Variants in PTPRN2 observed in about 807,000 individuals in gnomAD.
PTPRN2 encodes the protein receptor-type tyrosine-protein phosphatase N2.
In PTPRN2, 74 loss-of-function variants were observed where a neutral mutation model predicts 118.8. The observed-to-expected ratio is 0.62, with a 90% CI of 0.52 to 0.76. The LOEUF (loss-of-function observed/expected upper bound fraction) is 0.76, where lower values mean the gene tolerates loss of function less well. Ranked by LOEUF, PTPRN2 falls within the 30% of genes least tolerant of loss-of-function variation. PTPRN2 has a pLI of 0.00. For missense variants in PTPRN2, 1,481 were observed against 1,394.4 expected, an observed-to-expected ratio of 1.06 and a Z score of -0.99; for synonymous variants, 641 against 608.0, an observed-to-expected ratio of 1.05 and a Z score of -0.80.
At chr7:158,584,219 G>T (rs1212053548) in intron 1 of PTPRN2, among the ~76,000 whole-genome samples, 3 of 151,956 alleles carry the variant, frequency 2.0e-5, no homozygotes, top group Non-Finnish European at 4.4e-5. Flanking sequence ...CAAAAGGAAG[G>T]GGGGGCCTTT....
intron 2 of PTPRN2, among the ~76,000 whole-genome samples, chr7:158,408,997 T>TA (rs398048224): frequency 0.45 from 65,691 of 146,176 alleles, 15,118 homozygotes; most frequent in East Asian, 0.75. Flanking sequence ...TCTCCTTAAT[T>TA]AAAAAAAAAA....
At chr7:157,982,464 CCT>C (rs1785589041) in intron 11 of PTPRN2, among the ~76,000 whole-genome samples, 1 of 142,212 alleles carries the variant, frequency 7.0e-6, no homozygotes, top group Admixed American at 7.0e-5. Flanking sequence ...CCCCCCAAAC[CCT>C]GAGTCATAGA....
chr7:157,872,958 T>C (rs1811201287), intron 12 of PTPRN2, among the ~76,000 whole-genome samples: 5 of 152,246 alleles, frequency 3.3e-5, no homozygotes, highest in Admixed American at 2.6e-4. Context: ...GCTTGTCCTC[T>C]TCCTGGGACA....
At chr7:158,124,948 G>A (rs1817500717) in intron 9 of PTPRN2, among the ~76,000 whole-genome samples, 1 of 152,228 alleles carries the variant, frequency 6.6e-6, no homozygotes, top group Admixed American at 6.5e-5. Flanking sequence ...AAGAGAGAAG[G>A]CCCCGCAGTG....
intron 2 of PTPRN2, among the ~76,000 whole-genome samples, chr7:158,319,375 C>A (rs1802613685): frequency 6.7e-6 from 1 of 150,268 alleles, no homozygotes; most frequent in Admixed American, 6.8e-5. Context: ...CATCCTCACA[C>A]ATGCACACAC....
Position 158,565,156 on chromosome 7 carries a change from A to G in PTPRN2, c.112+22402T>C, listed in dbSNP as rs573434572. On this transcript the variant is annotated intron_variant, in intron 1 of 22. Transcript: ENST00000389418. This position sits in a 1 kb window ranked among gnomAD's most constrained non-coding sequence, Gnocchi z 4.6. The stretch of plus-strand genomic sequence containing the variant: ...CTATAAAACTATGAGGTTCCCAGGA[A>G]CATGACACAGTCCGTGCTACATCAG... Among the ~76,000 whole-genome samples the G allele has an allele frequency of 1.3e-5, 2 of 152,330 alleles. No homozygotes were observed. Among genetic ancestry groups the G allele is most frequent in the East Asian group, 3.9e-4 (2 of 5,180 alleles).
intron 21 of PTPRN2, among the ~76,000 whole-genome samples, chr7:157,555,010 C>T (rs568535710): frequency 4.6e-5 from 7 of 152,346 alleles, no homozygotes; most frequent in East Asian, 1.9e-4. Context: ...TGGTGAGCAC[C>T]GGCCAAGTCA....
At chr7:157,692,142 A>G (rs1311335422) in intron 12 of PTPRN2, among the ~76,000 whole-genome samples, 3 of 151,762 alleles carry the variant, frequency 2.0e-5, no homozygotes, top group African/African-American at 7.3e-5. Context: ...GCCCCCTCCT[A>G]GGCCCCCCTC....
At chr7:158,013,795 C>CCAT (rs1176800829) in intron 11 of PTPRN2, among the ~76,000 whole-genome samples, 1 of 530 alleles carries the variant, frequency 1.9e-3, no homozygotes, top group Non-Finnish European at 3.7e-3. Context: ...ACCCACCCAC[C>CCAT]CCATCCATCC....
At chr7:158,274,118 A>G (rs1798762693) in intron 3 of PTPRN2, among the ~76,000 whole-genome samples, 1 of 102,990 alleles carries the variant, frequency 9.7e-6, no homozygotes. Flanking sequence ...GAGGAGCCGC[A>G]GACACGGGGA....
intron 3 of PTPRN2, among the ~76,000 whole-genome samples, chr7:158,205,548 C>T (rs1003253347): frequency 6.6e-6 from 1 of 152,146 alleles, no homozygotes; most frequent in Admixed American, 6.5e-5. Context: ...AAGCCTCTAC[C>T]AATCATCCTC....
intron 12 of PTPRN2, chr7:157,864,897 C>T (rs1186056015): frequency 6.6e-6 from 1 of 152,284 alleles, no homozygotes; most frequent in Non-Finnish European, 1.5e-5. Flanking sequence ...AAAATGCCGC[C>T]ATCTCAGGCC....
intron 2 of PTPRN2, among the ~76,000 whole-genome samples, chr7:158,462,815 G>A (rs1819103823): frequency 6.6e-6 from 1 of 152,178 alleles, no homozygotes; most frequent in South Asian, 2.1e-4. Flanking sequence ...GAAAACAGAG[G>A]ATGAGTTGAA....
chr7:158,516,079 C>A (rs779462092), intron 1 of PTPRN2, among the ~76,000 whole-genome samples: 5 of 152,232 alleles, frequency 3.3e-5, no homozygotes, highest in Admixed American at 1.3e-4. Context: ...CTTCTCCCCA[C>A]GCCCCGGCCG....
intron 11 of PTPRN2, among the ~76,000 whole-genome samples, chr7:158,001,385 G>A (rs1282872298): frequency 1.3e-5 from 2 of 152,004 alleles, no homozygotes; most frequent in Non-Finnish European, 2.9e-5. Flanking sequence ...CACGTGCAAA[G>A]AATGGGAAGC....
chr7:158,216,664 A>C (rs965053382), intron 3 of PTPRN2, among the ~76,000 whole-genome samples: 4 of 152,196 alleles, frequency 2.6e-5, no homozygotes, highest in African/African-American at 9.6e-5. Context: ...AAGATACAGC[A>C]ATCCTATATA....
Position 157,602,853 on chromosome 7 carries a change from T to C in PTPRN2, c.2418+1149A>G, listed in dbSNP as rs368842226. ...CTCCCTATGGACGAGCAAAGAAACT[T>C]TGGGACACCGTAGGGTGCGATTTGT... On this transcript the variant is annotated intron_variant, in intron 16 of 22. Transcript: ENST00000389418. 2.8e-4 allele frequency among the ~76,000 whole-genome samples: 43 copies of C among 152,314 alleles called. No homozygotes were observed. In the South Asian group the frequency reaches 6.4e-3, roughly 23 times the overall value.
At chr7:157,899,085 C>G (rs112930253) in intron 11 of PTPRN2, among the ~76,000 whole-genome samples, 2,225 of 152,336 alleles carry the variant, frequency 0.015, 49 homozygotes, top group African/African-American at 0.051. Flanking sequence ...GTAATCGTTT[C>G]TAGCTGTATA....
chr7:157,748,611 C>T (rs1053804528), intron 12 of PTPRN2, among the ~76,000 whole-genome samples: 18 of 149,170 alleles, frequency 1.2e-4, no homozygotes, highest in African/African-American at 4.5e-4. Flanking sequence ...CGTCCCTGAG[C>T]TGTGGGCTGT....
Sources: gnomAD v4.1 joint callset for allele counts (sites outside exome capture counted in the v4.1 genomes callset) on GRCh38, gnomAD v4.1.1 for gene constraint, Gnocchi (gnomAD v3.1) non-coding constraint, MANE v1.5 for transcripts, NCBI Gene and HGNC (gene_info 2026-07-23, HGNC 2026-07-21) for gene names.